DNAH12: variants seen among roughly 807,000 people sequenced by gnomAD.
The protein encoded by DNAH12 is axonemal beta dynein heavy chain 12.
In DNAH12, 285 loss-of-function variants were observed where a neutral mutation model predicts 371.5. The ratio of observed to expected loss-of-function variants is 0.77; its 90% CI spans 0.70 to 0.85. The LOEUF is 0.85. Among genes scored for constraint, DNAH12 ranks in the 40% least tolerant of loss-of-function variants. DNAH12 has a pLI of 0.00. For synonymous variants in DNAH12, 1,200 were observed against 1,213.0 expected (o/e 0.99, Z 0.22); for missense variants, 3,611 against 3,689.4 (o/e 0.98, Z 0.55).
At chr3:57,449,815 G>A (rs1284604892) in intron 25 of DNAH12, among the ~76,000 whole-genome samples, 3 of 152,252 alleles carry the variant, frequency 2.0e-5, no homozygotes, top group Non-Finnish European at 1.5e-5. Flanking sequence ...GCGGGCCGAA[G>A]GGCTCCTCAA....
intron 4 of DNAH12, among the ~76,000 whole-genome samples, chr3:57,520,337 C>T (rs1279953116): frequency 6.6e-6 from 1 of 151,842 alleles, no homozygotes; most frequent in Non-Finnish European, 1.5e-5. Context: ...TCGAACCGCC[C>T]GCCTCGGCCT....
intron 2 of DNAH12, 69 bp from the exon 3 acceptor site, chr3:57,523,953 T>C: frequency 8.5e-7 from 1 of 1,182,912 alleles, no homozygotes; most frequent in Non-Finnish European, 1.2e-6. Context: ...CATTACAATT[T>C]AAGCATTTTT....
At chr3:57,406,623 G>A (rs2064036691) in intron 40 of DNAH12, among the ~76,000 whole-genome samples, 1 of 151,992 alleles carries the variant, frequency 6.6e-6, no homozygotes, top group African/African-American at 2.4e-5. Context: ...TTCAGAGAAA[G>A]GGAAATCAGA....
At chr3:57,305,150 GCAAA>G (rs965632018) in intron 69 of DNAH12, among the ~76,000 whole-genome samples, 20 of 152,130 alleles carry the variant, frequency 1.3e-4, no homozygotes, top group Admixed American at 1.3e-4. Context: ...TGTAAAATAG[GCAAA>G]CAGTCTGAGG....
At chr3:57,391,078 T>C (rs2153347041) in intron 45 of DNAH12, among the ~76,000 whole-genome samples, 1 of 152,324 alleles carries the variant, frequency 6.6e-6, no homozygotes, top group African/African-American at 2.4e-5. Context: ...TCTCTAATAA[T>C]GGTTCATTTT....
At chr3:57,433,604 A>G in intron 31 of DNAH12, 41 bp downstream of exon 31, 1 of 1,536,010 alleles carries the variant, frequency 6.5e-7, no homozygotes, top group Non-Finnish European at 8.8e-7. Flanking sequence ...TTTAACAGGC[A>G]CTTTCCATAA....
intron 69 of DNAH12, among the ~76,000 whole-genome samples, chr3:57,308,582 G>T (rs1186541267): frequency 1.3e-5 from 2 of 152,184 alleles, no homozygotes; most frequent in Admixed American, 1.3e-4. Context: ...ATCTTGTCTA[G>T]TCATACTCCT....
rs952804846 is a variant in DNAH12, at chr3:57,461,637, A to C, written c.2588T>G (p.Ile863Ser). 7.7e-6 allele frequency: 12 copies of C among 1,551,264 alleles called. No homozygotes were observed. The highest frequency in any genetic ancestry group is 8.7e-6 in the Non-Finnish European group (10 of 1,146,836). Residue 863 changes from isoleucine (I) to serine (S), a missense_variant, in exon 19 of 74, where the codon ATT becomes AGT. Around this residue, in one of 3 missense-constraint regions of DNAH12, gnomAD observed 1,314 missense variants for 1,398.7 expected, o/e 0.94. Coordinates refer to ENST00000495027, the MANE Select transcript of DNAH12 (RefSeq NM_001366028.2). ...MNTMIGTWED[I>S]AFHISLYRDT... ...ACGATACAGACTTATATGAAAAGCA[A>C]TATCTTCCCAAGTTCCTATCATTGT...
Position 57,453,367 on chromosome 3 carries a change from G to C in DNAH12, c.3493C>G (p.Leu1165Val). 1 of 1,549,820 alleles carries C rather than the reference G, an allele frequency of 6.5e-7. No homozygotes were observed. Among genetic ancestry groups the C allele is most frequent in the Non-Finnish European group, 8.7e-7 (1 of 1,146,362 alleles). ...CTTACCAGCTCTACAATCTCATTCA[G>C]TTGGTTCTGAAGTTCCTTATAATAC... ...KKYYKELQNQ[L>V]NEIVELVRGK... Residue 1165 changes from leucine to valine, a missense_variant, in exon 24 of 74, where the codon CTG (leucine) becomes GTG (valine). Transcript: ENST00000495027.
chr3:57,327,833 A>G (rs1272011592), intron 62 of DNAH12, among the ~76,000 whole-genome samples: 1 of 152,264 alleles, frequency 6.6e-6, no homozygotes, highest in Non-Finnish European at 1.5e-5. Context: ...AAAGAAAAAA[A>G]AGAGAGAAGA....
At chr3:57,315,228 T>C (rs1473819815) in intron 65 of DNAH12, among the ~76,000 whole-genome samples, 5 of 151,982 alleles carry the variant, frequency 3.3e-5, no homozygotes, top group Non-Finnish European at 7.4e-5. Context: ...TCAAGTATGA[T>C]ACACAGCATG....
At chr3:57,426,454 G>C (rs191968706) in intron 34 of DNAH12, among the ~76,000 whole-genome samples, 43 of 152,156 alleles carry the variant, frequency 2.8e-4, no homozygotes, top group Admixed American at 1.3e-4. Flanking sequence ...ATACTATAAC[G>C]GGAAGGGTGG....
At position 57,468,934 on chromosome 3, in the gene DNAH12, C is replaced by G; in HGVS notation, c.2151G>C (p.Glu717Asp). Residue 717 changes from glutamate to aspartate, a missense_variant, in exon 17 of 74, where the codon GAG becomes GAC. Glu to Asp is a conservative substitution (Grantham distance 45, BLOSUM62 2). This residue lies in a region of DNAH12 where 1,314 missense variants were observed against 1,398.7 expected (regional missense o/e 0.94). Transcript: ENST00000495027. ...GFLDLNGESMEADVEEFSREI... is the reference protein window; with the variant it reads ...GFLDLNGESMDADVEEFSREI... The stretch of plus-strand genomic sequence containing the variant: ...CTCGGGAAAACTCTTCCACATCAGC[C>G]TCCATGCTTTCCCCATTGAGGTCCA... 6.6e-7 allele frequency: 1 copy of G among 1,513,616 alleles called. No homozygotes were observed. Among genetic ancestry groups the G allele is most frequent in the Non-Finnish European group, 8.8e-7 (1 of 1,135,584 alleles). 93.8% of individuals were successfully genotyped at this position (1,513,616 alleles called of 1,614,324 possible).
intron 25 of DNAH12, among the ~76,000 whole-genome samples, chr3:57,448,551 T>C (rs920502627): frequency 6.6e-6 from 1 of 152,140 alleles, no homozygotes; most frequent in Non-Finnish European, 1.5e-5. Flanking sequence ...GAGTGAGCAG[T>C]AGCAAGATTT....
At chr3:57,388,443 G>A (rs1331376329) in intron 45 of DNAH12, among the ~76,000 whole-genome samples, 3 of 151,608 alleles carry the variant, frequency 2.0e-5, no homozygotes, top group African/African-American at 4.9e-5. Flanking sequence ...CAGACAATAT[G>A]CATTTTAAGA....
intron 55 of DNAH12, among the ~76,000 whole-genome samples, chr3:57,369,226 A>T (rs1009061964): frequency 4.7e-4 from 35 of 73,712 alleles, no homozygotes; most frequent in South Asian, 1.9e-3. Flanking sequence ...CATTAAAAAA[A>T]AAATATATAT....
At chr3:57,354,021 G>A (rs1018368159) in intron 59 of DNAH12, among the ~76,000 whole-genome samples, 18 of 152,270 alleles carry the variant, frequency 1.2e-4, no homozygotes, top group African/African-American at 4.3e-4. Flanking sequence ...CCATTATTGG[G>A]TACATACCCA....
chr3:57,425,402 C>CTAT (rs2064735079), intron 34 of DNAH12, among the ~76,000 whole-genome samples: 1 of 144,338 alleles, frequency 6.9e-6, no homozygotes, highest in Admixed American at 6.9e-5. Context: ...TGAGCACCAC[C>CTAT]AGGCTATTTT....
intron 12 of DNAH12, among the ~76,000 whole-genome samples, chr3:57,487,448 T>C (rs923275129): frequency 6.7e-6 from 1 of 149,910 alleles, no homozygotes; most frequent in African/African-American, 2.4e-5. Context: ...CAAGCATTAA[T>C]GTGGATAATG....
Sources: gnomAD v4.1 joint callset for allele counts (sites outside exome capture counted in the v4.1 genomes callset) on GRCh38, gnomAD v4.1.1 for gene constraint, gnomAD v4.1.1 regional missense constraint, MANE v1.5 for transcripts, NCBI Gene and HGNC (gene_info 2026-07-23, HGNC 2026-07-21) for gene names.